TAPT1: variants seen among roughly 807,000 people sequenced by gnomAD.
The protein encoded by TAPT1 is transmembrane anterior posterior transformation protein 1 homolog.
In TAPT1, 28 loss-of-function variants were observed where a neutral mutation model predicts 65.6. The observed-to-expected ratio is 0.43, with a 90% CI of 0.32 to 0.59. TAPT1 has a LOEUF of 0.59. Ranked by LOEUF, TAPT1 falls within the 20% of genes least tolerant of loss-of-function variation. The pLI is 0.09. For synonymous variants in TAPT1, 278 were observed against 245.2 expected, an observed-to-expected ratio of 1.13 and a Z score of -1.25; for missense variants, 563 against 679.9, an observed-to-expected ratio of 0.83 and a Z score of 1.91.
rs765618344 is a variant in TAPT1 at position 16,166,784 on chromosome 4, G to A, written c.1323C>T (p.Ser441=). 1 of 1,613,448 alleles carries A rather than the reference G, an allele frequency of 6.2e-7. No homozygotes were observed. Among genetic ancestry groups the A allele is most frequent in the African/African-American group, 1.3e-5 (1 of 74,938 alleles). ...CVILFYFGLI[S]LKVLNSIVLL... Reference sequence around the variant, plus strand: ...GCACGATGCTATTAAGTACTTTCAGGGATATCAACCTAAAAACAGAAACAA... The same window carrying A: ...GCACGATGCTATTAAGTACTTTCAGAGATATCAACCTAAAAACAGAAACAA... Residue 441 remains serine (S), a synonymous_variant, in exon 13 of 14, where the codon TCC becomes TCT. Transcript: ENST00000405303.
intron 2 of TAPT1, among the ~76,000 whole-genome samples, chr4:16,207,611 T>C (rs996569647): frequency 6.6e-6 from 1 of 152,158 alleles, no homozygotes; most frequent in Non-Finnish European, 1.5e-5. Flanking sequence ...TAGAAGAAAG[T>C]AAAACCCAAG....
intron 3 of TAPT1, among the ~76,000 whole-genome samples, chr4:16,199,699 C>T (rs1749920558): frequency 6.6e-6 from 1 of 152,060 alleles, no homozygotes; most frequent in South Asian, 2.1e-4. Context: ...TCAAGGAATC[C>T]TCCTACCTCA....
At chr4:16,207,702 A>T (rs1412726314) in intron 2 of TAPT1, among the ~76,000 whole-genome samples, 1 of 152,232 alleles carries the variant, frequency 6.6e-6, no homozygotes, top group African/African-American at 2.4e-5. Flanking sequence ...GATTACAAAT[A>T]ATTCCCCTGT....
chr4:16,193,422 A>G (rs567180465), intron 3 of TAPT1, among the ~76,000 whole-genome samples: 315 of 152,274 alleles, frequency 2.1e-3, no homozygotes, highest in Non-Finnish European at 3.5e-3. Context: ...CTTTTATCCA[A>G]TGATGTTCCT....
chr4:16,184,675 AT>A (rs1387088608), intron 7 of TAPT1, among the ~76,000 whole-genome samples: 1 of 152,164 alleles, frequency 6.6e-6, no homozygotes, highest in African/African-American at 2.4e-5. Flanking sequence ...GTGCAGTGCT[AT>A]CTCATTATGG....
intron 8 of TAPT1, among the ~76,000 whole-genome samples, chr4:16,177,495 CTG>C (rs1223933011): frequency 5.9e-5 from 9 of 152,140 alleles, no homozygotes; most frequent in African/African-American, 2.2e-4. Flanking sequence ...TAGACAGCTT[CTG>C]TGAGTCTGGC....
chr4:16,198,634 A>G (rs1749858914), intron 3 of TAPT1, among the ~76,000 whole-genome samples: 1 of 152,096 alleles, frequency 6.6e-6, no homozygotes, highest in Non-Finnish European at 1.5e-5. Context: ...TATTTCTTTG[A>G]AAAAAATAAA....
chr4:16,182,273 A>C (rs571834693), intron 7 of TAPT1, among the ~76,000 whole-genome samples: 136 of 152,334 alleles, frequency 8.9e-4, no homozygotes, highest in African/African-American at 3.1e-3. Flanking sequence ...TGATACTGAT[A>C]ATCAAACATA....
intron 1 of TAPT1, among the ~76,000 whole-genome samples, chr4:16,225,127 A>T (rs548359376): frequency 6.6e-6 from 1 of 152,374 alleles, no homozygotes; most frequent in African/African-American, 2.4e-5. Flanking sequence ...GAGAATTTTT[A>T]AGTGGTTAAT....
intron 3 of TAPT1, among the ~76,000 whole-genome samples, chr4:16,193,237 T>A (rs572969378): frequency 1.3e-5 from 2 of 152,322 alleles, no homozygotes; most frequent in South Asian, 4.1e-4. Context: ...GCTGGACCAA[T>A]GAGCCTAAAT....
intron 12 of TAPT1, among the ~76,000 whole-genome samples, chr4:16,168,055 T>G (rs11731602): frequency 0.26 from 38,734 of 151,768 alleles, 5,009 homozygotes; most frequent in East Asian, 0.31. Context: ...GAAAAAAGTA[T>G]GGGAAGAAAA....
intron 1 of TAPT1, among the ~76,000 whole-genome samples, chr4:16,220,245 A>G (rs1405423844): frequency 6.6e-6 from 1 of 152,250 alleles, no homozygotes; most frequent in African/African-American, 2.4e-5. Context: ...GGGTATCACC[A>G]AGAACTCTGA....
At chr4:16,223,014 G>A (rs1329376694) in intron 1 of TAPT1, among the ~76,000 whole-genome samples, 1 of 152,052 alleles carries the variant, frequency 6.6e-6, no homozygotes, top group Non-Finnish European at 1.5e-5. Context: ...TACCCTCACA[G>A]GTGCTACCCT....
At chr4:16,196,148 T>C (rs927844037) in intron 3 of TAPT1, among the ~76,000 whole-genome samples, 48 of 152,342 alleles carry the variant, frequency 3.2e-4, no homozygotes, top group African/African-American at 1.1e-3. Context: ...AGTAGTGAAA[T>C]CAAGATGTTT....
At chr4:16,200,130 C>T (rs938469462) in intron 3 of TAPT1, among the ~76,000 whole-genome samples, 2 of 152,172 alleles carry the variant, frequency 1.3e-5, no homozygotes, top group African/African-American at 4.8e-5. Flanking sequence ...AGAAGGAATA[C>T]AGTCATTAGC....
chr4:16,213,839 T>C lies in TAPT1; in HGVS notation c.259A>G (p.Asn87Asp), dbSNP rs1286405219. 9 of 1,610,630 alleles carry C rather than the reference T, an allele frequency of 5.6e-6. No individual in the cohort carries two copies. The highest frequency in any genetic ancestry group is 6.8e-6 in the Non-Finnish European group (8 of 1,179,040). ...ELTRGYFLEH[N>D]EAKYTERRER... ...CTTCTTTCTGTATACTTGGCCTCATTATGTTCAAGGAAGTACCCTCTTGTT... is the reference window on the plus strand; with the variant it reads ...CTTCTTTCTGTATACTTGGCCTCATCATGTTCAAGGAAGTACCCTCTTGTT... Residue 87 changes from asparagine to aspartate, a missense_variant, in exon 2 of 14, where the codon AAT (asparagine) becomes GAT (aspartate). Asn to Asp is a conservative substitution (Grantham distance 23). Transcript: ENST00000405303.
Position 16,224,548 on chromosome 4 carries a change from T to C in TAPT1, c.199+1711A>G, listed in dbSNP as rs376876774. On this transcript the variant is annotated intron_variant, in intron 1 of 13. Transcript: ENST00000405303. ...TAAATCCTGATCGCCAAGGCTAGTG[T>C]GACTTGGTAAAGCAGGAGTGGCCAC... Among the ~76,000 whole-genome samples the C allele has an allele frequency of 3.9e-5, 6 of 152,288 alleles. No individual in the cohort carries two copies. In the East Asian group the frequency reaches 9.7e-4, roughly 25 times the overall value.
rs151108464 is a variant in TAPT1 at position 16,176,305 on chromosome 4, T to C, written c.998-77A>G. 8.0e-5 allele frequency: 57 copies of C among 708,588 alleles called. No homozygotes were observed. The Admixed American group carries it at 1.6e-3, about 20-fold the overall frequency. The allele number at this position is 708,588 out of a possible 1,614,324, so 43.9% of individuals were successfully genotyped here. ...CATATCACAGGCTACCAGAGAAATA[T>C]GAAATCTCTAGAACAAAACTGTAGT... On this transcript the variant is annotated intron_variant, in intron 8 of 13. Coordinates refer to ENST00000405303, the MANE Select transcript of TAPT1 (RefSeq NM_153365.3).
chr4:16,190,907 T>C (rs2149692248), intron 4 of TAPT1: 1 of 156,006 alleles, frequency 6.4e-6, no homozygotes, highest in African/African-American at 2.4e-5. Flanking sequence ...TTAAAATGTG[T>C]ATTTCTTACA....
Sources: allele counts gnomAD v4.1 joint callset (sites outside exome capture counted in the v4.1 genomes callset), GRCh38; gene constraint gnomAD v4.1.1; transcripts MANE v1.5; gene names NCBI Gene and HGNC (gene_info 2026-07-23, HGNC 2026-07-21).